The following SHD variants were observed in gnomAD, a reference collection of about 807,000 sequenced individuals.
SHD encodes the protein Src homology 2 domain containing transforming protein D, also known as SH2 domain-containing adapter protein D.
Under a neutral mutation model 31.2 loss-of-function variants are expected in SHD, and 29 were observed. The observed-to-expected ratio is 0.93, with a 90% CI of 0.69 to 1.27. SHD has a LOEUF of 1.27. Ranked by LOEUF, SHD falls within the 50% of genes most tolerant of loss-of-function variation. The probability of loss-of-function intolerance (pLI) is 0.00; values close to 1 mark genes in which losing one functional copy is unlikely to be tolerated. For missense variants in SHD, 520 were observed against 453.8 expected, an observed-to-expected ratio of 1.15 and a Z score of -1.33; for synonymous variants, 208 against 187.8, an observed-to-expected ratio of 1.11 and a Z score of -0.88.
At chr19:4,288,063 G>A (rs1184192407) in intron 4 of SHD, 180 bp from the exon 5 acceptor site, 10 of 569,160 alleles carry the variant, frequency 1.8e-5, no homozygotes, top group African/African-American at 4.0e-5. Flanking sequence ...CACCACGCCC[G>A]GCTAATTTTT....
At chr19:4,283,020 G>C in intron 2 of SHD, 34 bp from the exon 3 acceptor site, 1 of 1,614,048 alleles carries the variant, frequency 6.2e-7, no homozygotes, top group Non-Finnish European at 8.5e-7. Context: ...TCCCAGATGG[G>C]AGCAGGAGCT....
Position 4,290,525 on chromosome 19 carries a change from C to G in SHD, c.915C>G (p.Pro305=). The change falls in exon 6 of 6, where the codon CCC becomes CCG. Residue 305 remains proline (P), a synonymous_variant. Transcript: ENST00000543264. Reference sequence around the variant, plus strand: ...TGGTGCTGGGCCAACACAGCGGGCCCTTCCCCAGCGTGCCCGAGCTCGTCC... The same window carrying G: ...TGGTGCTGGGCCAACACAGCGGGCCGTTCCCCAGCGTGCCCGAGCTCGTCC... ...NQVVLGQHSG[P]FPSVPELVLH... The G allele has an allele frequency of 1.2e-6, 2 of 1,613,656 alleles. No homozygotes were observed. The highest frequency in any genetic ancestry group is 1.7e-6 in the Non-Finnish European group (2 of 1,180,020).
In SHD at chr19:4,290,612, C is replaced by T. The variant is rs374613415; in HGVS notation, c.1002C>T (p.Pro334=). 2.4e-5 allele frequency: 38 copies of T among 1,610,026 alleles called. No individual in the cohort carries two copies. The highest frequency in any genetic ancestry group is 1.1e-4 in the African/African-American group (8 of 74,848). Residue 334 remains proline (P), a synonymous_variant, in exon 6 of 6, where the codon CCC becomes CCT. Transcript: ENST00000543264. ...CCGAGCATCTGGCTCTGCTGTACCC[C>T]GTGGTCACGCAGACCCCCTGACAGT... The part of the protein sequence containing the change: ...QGAEHLALLY[P]VVTQTP
At position 4,282,931 on chromosome 19, in the gene SHD, A is replaced by T. The variant is rs748184338; in HGVS notation, c.359A>T (p.Asp120Val). The T allele has an allele frequency of 6.2e-6, 10 of 1,613,948 alleles. No individual in the cohort carries two copies. The Admixed American group carries it at 1.7e-4, about 27-fold the overall frequency. Residue 120 changes from aspartate to valine, a missense_variant, in exon 2 of 6, where the codon GAT becomes GTT. Physicochemically the swap from Asp to Val is radical, Grantham distance 152 (BLOSUM62 -3). Coordinates refer to ENST00000543264, the MANE Select transcript of SHD (RefSeq NM_020209.4). ...GCTCAGCCTCATCCTGCACCCCCGG[A>T]TGATGGGTACATGGAGCCCTACGAT... ...FDAQPHPAPPDDGYMEPYDAQ... is the reference protein window; with the variant it reads ...FDAQPHPAPPVDGYMEPYDAQ...
chr19:4,283,618 G>A lies in SHD; in HGVS notation c.592+376G>A, dbSNP rs191252195. 2.6e-5 allele frequency among the ~76,000 whole-genome samples: 4 copies of A among 151,104 alleles called. No homozygotes were observed. The East Asian group carries it at 5.9e-4, about 22-fold the overall frequency. ...CTTCCAGGCGGAGTCTCACTCTGTC[G>A]CCCAGGCTGGAGTGCAGTGGCGTGA... On this transcript the variant is annotated intron_variant, in intron 3 of 5. Transcript: ENST00000543264.
chr19:4,287,292 A>G (rs537332156), intron 4 of SHD, among the ~76,000 whole-genome samples: 100 of 151,820 alleles, frequency 6.6e-4, no homozygotes, highest in African/African-American at 2.4e-3. Context: ...AGATCGTGCC[A>G]CTGCACTCCA....
chr19:4,290,414 T>C, intron 5 of SHD, 33 bp from the exon 6 acceptor site: 1 of 1,589,610 alleles, frequency 6.3e-7, no homozygotes, highest in Non-Finnish European at 8.6e-7. Flanking sequence ...GGGTCCGGGA[T>C]GCTCAGGAGT....
intron 3 of SHD, among the ~76,000 whole-genome samples, chr19:4,283,764 G>C (rs1468782370): frequency 1.3e-5 from 2 of 151,310 alleles, no homozygotes; most frequent in African/African-American, 4.9e-5. Flanking sequence ...ATTTTTAGTA[G>C]AGACGGGGTT....
At chr19:4,286,302 T>G (rs1230955152) in intron 4 of SHD, among the ~76,000 whole-genome samples, 1 of 141,350 alleles carries the variant, frequency 7.1e-6, no homozygotes, top group Non-Finnish European at 1.5e-5. Flanking sequence ...CTTCCTTCCT[T>G]CCTTCCTTCC....
In SHD at chr19:4,279,550, C is replaced by G. The variant is rs1306279046; in HGVS notation, c.-514C>G. ...GCGGCCCAACTTTGCGCGCGGCGCC[C>G]GCGCCCCTGGGGAGCCCGCCCGCTG... On this transcript the variant is annotated 5_prime_UTR_variant, in exon 1 of 6. Coordinates refer to ENST00000543264, the MANE Select transcript of SHD (RefSeq NM_020209.4). The surrounding 1 kb of genome is among the most constrained non-coding windows in gnomAD (Gnocchi z 7.5). The G allele has an allele frequency of 1.3e-5, 2 of 152,662 alleles. No homozygotes were observed. Among genetic ancestry groups the G allele is most frequent in the African/African-American group, 2.4e-5 (1 of 41,476 alleles). 9.5% of individuals were successfully genotyped at this position (152,662 alleles called of 1,614,324 possible).
chr19:4,281,482 G>T (rs4491652), intron 1 of SHD, among the ~76,000 whole-genome samples: 1 of 142,108 alleles, frequency 7.0e-6, no homozygotes. Flanking sequence ...AAAAGGCTGG[G>T]TGTGGTGGTT....
intron 1 of SHD, among the ~76,000 whole-genome samples, 165 bp downstream of exon 1, chr19:4,280,525 T>G (rs1033482021): frequency 6.6e-6 from 1 of 152,070 alleles, no homozygotes; most frequent in African/African-American, 2.4e-5. Context: ...AAGTCTGTTC[T>G]TTTTATGTAT....
intron 3 of SHD, among the ~76,000 whole-genome samples, chr19:4,284,175 G>A (rs1971285255): frequency 6.6e-6 from 1 of 152,026 alleles, no homozygotes. Flanking sequence ...GGTGGTGCAT[G>A]CCGGTAATCC....
intron 4 of SHD, 163 bp from the exon 5 acceptor site, chr19:4,288,080 T>C: frequency 2.8e-6 from 2 of 724,178 alleles, no homozygotes; most frequent in Non-Finnish European, 4.0e-6. Context: ...TTTTTTTGTA[T>C]TTTTAGTAGA....
Position 4,290,589 on chromosome 19 carries a change from G to A in SHD, c.979G>A (p.Glu327Lys), listed in dbSNP as rs150781210. The A allele has an allele frequency of 6.6e-5, 106 of 1,613,352 alleles. No homozygotes were observed. The highest frequency in any genetic ancestry group is 5.0e-4 in the Middle Eastern group (3 of 6,052). Residue 327 changes from glutamate to lysine, a missense_variant, in exon 6 of 6, where the codon GAG becomes AAG. Glu to Lys is a moderately conservative substitution (Grantham distance 56, BLOSUM62 1). Coordinates refer to ENST00000543264, the MANE Select transcript of SHD (RefSeq NM_020209.4). ...SSRPLPVQGAEHLALLYPVVT... is the reference protein window; with the variant it reads ...SSRPLPVQGAKHLALLYPVVT... ...ACGCCCACTGCCGGTGCAGGGTGCC[G>A]AGCATCTGGCTCTGCTGTACCCCGT...
intron 4 of SHD, 45 bp from the exon 5 acceptor site, chr19:4,288,198 T>C: frequency 1.3e-6 from 2 of 1,593,758 alleles, no homozygotes; most frequent in Middle Eastern, 1.7e-4. Context: ...CAGAGTGTGT[T>C]TGAAGGGAAT....
intron 3 of SHD, 29 bp downstream of exon 3, chr19:4,283,271 T>A: frequency 1.3e-6 from 2 of 1,591,438 alleles, no homozygotes; most frequent in Non-Finnish European, 1.7e-6. Flanking sequence ...CTCTGACATC[T>A]GAATGCCCCA....
intron 3 of SHD, among the ~76,000 whole-genome samples, chr19:4,283,552 CTTTATTTTAT>C (rs568664458): frequency 3.4e-5 from 5 of 147,566 alleles, no homozygotes; most frequent in Non-Finnish European, 7.4e-5. Flanking sequence ...GGCAGCATTT[CTTTATTTTAT>C]TTTATTTTAT....
rs570743488 is a variant in SHD at position 4,284,773 on chromosome 19, C to T, written c.593-8C>T. 3 of 1,586,922 alleles carry T rather than the reference C, an allele frequency of 1.9e-6. No individual in the cohort carries two copies. In the East Asian group the frequency reaches 7.0e-5, roughly 37 times the overall value. On this transcript the variant is annotated splice_region_variant and splice_polypyrimidine_tract_variant and intron_variant, in intron 3 of 5. Transcript: ENST00000543264. ...CTTAACCCTTTCCTCTCTAAATCTCCTTTCCAGTGCAGTTTGACAGTCCAG... is the reference window on the plus strand; with the variant it reads ...CTTAACCCTTTCCTCTCTAAATCTCTTTTCCAGTGCAGTTTGACAGTCCAG...
Sources: allele counts gnomAD v4.1 joint callset (sites outside exome capture counted in the v4.1 genomes callset), GRCh38; gene constraint gnomAD v4.1.1; non-coding constraint Gnocchi (gnomAD v3.1); transcripts MANE v1.5; gene names NCBI Gene and HGNC (gene_info 2026-07-23, HGNC 2026-07-21).